MROH1: variants seen among roughly 807,000 people sequenced by gnomAD.
MROH1 encodes maestro heat like repeat family member 1.
A neutral mutation model predicts 116.5 loss-of-function variants in MROH1; 117 were observed. The ratio of observed to expected loss-of-function variants is 1.00; its 90% confidence interval spans 0.86 to 1.17. The LOEUF (loss-of-function observed/expected upper bound fraction) is 1.17. Ranked by LOEUF, MROH1 falls within the 50% of genes most tolerant of loss-of-function variation. The pLI is 0.00. For missense variants in MROH1, 1,873 were observed against 1,338.5 expected (o/e 1.40, Z -6.23); for synonymous variants, 921 against 583.9 (o/e 1.58, Z -8.32).
chr8:144,199,339 C>T, intron 11 of MROH1, 139 bp downstream of exon 11: 4 of 842,692 alleles, frequency 4.7e-6, no homozygotes, highest in Middle Eastern at 2.6e-4. Flanking sequence ...CCTGGGCCTA[C>T]CTGTGGCTCC....
chr8:144,177,820 T>C (rs1824407936), intron 4 of MROH1, among the ~76,000 whole-genome samples: 2 of 152,178 alleles, frequency 1.3e-5, no homozygotes, highest in Admixed American at 1.3e-4. Context: ...GCTCAGGCTA[T>C]GTGAGATGTG....
chr8:144,255,786 C>T (rs926929942), intron 35 of MROH1, 81 bp downstream of exon 35: 40 of 681,428 alleles, frequency 5.9e-5, no homozygotes, highest in African/African-American at 1.2e-4. Flanking sequence ...TGGGGGCGGA[C>T]GGCAGATCTG....
At chr8:144,260,106 G>A (rs1427239474) in intron 38 of MROH1, 49 bp downstream of exon 38, 7 of 743,014 alleles carry the variant, frequency 9.4e-6, no homozygotes, top group African/African-American at 1.7e-5. Context: ...TGGGTGGGGG[G>A]CTGTGCATGG....
rs1588469997 is a variant in MROH1 at position 144,247,584 on chromosome 8, C to T, written c.3025C>T (p.Arg1009Cys). ...CCTCTCAGGCTTCTCCCGGGACTAC[C>T]GCGATGACGTGGCGGAGCGGCTCCT... Reference protein sequence around the residue: ...LGYEGFSRDYRDDVAERLLSL... With the variant: ...LGYEGFSRDYCDDVAERLLSL... The change falls in exon 31 of 44, where the codon CGC (arginine) becomes TGC (cysteine). Residue 1009 changes from arginine (R) to cysteine (C), a missense_variant. Arg to Cys is a radical substitution (Grantham distance 180, BLOSUM62 -3). Coordinates refer to ENST00000326134, the MANE Select transcript of MROH1 (RefSeq NM_032450.3). 31 of 774,286 alleles carry T rather than the reference C, an allele frequency of 4.0e-5. No homozygotes were observed. The highest frequency in any genetic ancestry group is 1.1e-4 in the South Asian group (8 of 73,952). 48.0% of individuals were successfully genotyped at this position (774,286 alleles called of 1,614,324 possible). A position where few individuals can be genotyped will look rare whatever the true frequency, so the allele number is the denominator to read the frequency against.
At chr8:144,255,088 C>G in intron 34 of MROH1, 110 bp downstream of exon 34, 1 of 628,370 alleles carries the variant, frequency 1.6e-6, no homozygotes, top group South Asian at 1.8e-5. Context: ...CCACAGGCAC[C>G]TGGAGGCAGC....
At chr8:144,165,410 C>T (rs1252477405) in intron 3 of MROH1, among the ~76,000 whole-genome samples, 8 of 152,096 alleles carry the variant, frequency 5.3e-5, no homozygotes, top group African/African-American at 1.4e-4. Flanking sequence ...TGAGCCACCG[C>T]GCACAGCCCA....
rs185394696 is a variant in MROH1 at position 144,180,454 on chromosome 8, G to A, written c.493G>A (p.Val165Ile). The A allele has an allele frequency of 2.0e-4, 319 of 1,612,984 alleles. No individual in the cohort carries two copies. Among genetic ancestry groups the A allele is most frequent in the Middle Eastern group, 3.3e-4 (2 of 6,062 alleles). ...CGGCGTAGTCCCCTTCCTGCCATCC[G>A]TCCTGAGCTCCCTGCTGCCCGTGCT... Reference protein sequence around the residue: ...AFGVVPFLPSVLSSLLPVLGV... With the variant: ...AFGVVPFLPSILSSLLPVLGV... Residue 165 changes from valine to isoleucine, a missense_variant, in exon 7 of 44, where the codon GTC (valine) becomes ATC (isoleucine). Val to Ile is a conservative substitution (Grantham distance 29). Transcript: ENST00000326134. The surrounding 1 kb of genome is among the most constrained non-coding windows in gnomAD (Gnocchi z 7.4).
At chr8:144,200,795 C>T (rs80150834) in intron 12 of MROH1, 1 of 476,266 alleles carries the variant, frequency 2.1e-6, no homozygotes, top group Non-Finnish European at 3.9e-6. Context: ...CGTGGCCACA[C>T]TCCCCAGGTG....
intron 13 of MROH1, among the ~76,000 whole-genome samples, chr8:144,222,128 G>A (rs1270332733): frequency 6.6e-6 from 1 of 152,190 alleles, no homozygotes; most frequent in Admixed American, 6.5e-5. Context: ...AGCTAGCTCA[G>A]AAAGACAGCA....
At chr8:144,208,168 T>C (rs1040994709) in intron 12 of MROH1, among the ~76,000 whole-genome samples, 7 of 152,160 alleles carry the variant, frequency 4.6e-5, no homozygotes, top group Non-Finnish European at 5.9e-5. Context: ...GGTCTCAAAC[T>C]CCTGACCTCA....
intron 14 of MROH1, among the ~76,000 whole-genome samples, chr8:144,235,093 A>G (rs1475509318): frequency 6.6e-6 from 1 of 151,908 alleles, no homozygotes; most frequent in Non-Finnish European, 1.5e-5. Context: ...ACAGGGTTTC[A>G]CCATGTTGGC....
intron 14 of MROH1, among the ~76,000 whole-genome samples, chr8:144,234,884 T>C (rs1382696240): frequency 1.7e-5 from 2 of 116,538 alleles, no homozygotes; most frequent in Non-Finnish European, 3.6e-5. Flanking sequence ...AATTATCCTT[T>C]TTCTTTCTTT....
At chr8:144,220,236 G>T (rs1360673669) in intron 12 of MROH1, among the ~76,000 whole-genome samples, 1 of 152,154 alleles carries the variant, frequency 6.6e-6, no homozygotes, top group African/African-American at 2.4e-5. Context: ...GCGCCTGGAG[G>T]GGGAGCAGGA....
chr8:144,157,989 C>CTTTTTTTTTTTTTTTTTTTTTT, intron 1 of MROH1, among the ~76,000 whole-genome samples: 1 of 88,872 alleles, frequency 1.1e-5, no homozygotes, highest in Non-Finnish European at 2.3e-5. Context: ...CTATTTCTTT[C>CTTTTTTTTTTTTTTTTTTTTTT]TTTTTTTTTT....
At chr8:144,218,929 G>A (rs1336629170) in intron 12 of MROH1, among the ~76,000 whole-genome samples, 1 of 126,996 alleles carries the variant, frequency 7.9e-6, no homozygotes, top group Non-Finnish European at 1.6e-5. Flanking sequence ...CCGCCTCCTG[G>A]GCTCAAGCGA....
chr8:144,152,555 A>ATTATTTTTTT (rs1369841266), intron 1 of MROH1, among the ~76,000 whole-genome samples: 1,998 of 130,544 alleles, frequency 0.015, 64 homozygotes, highest in African/African-American at 0.05. Flanking sequence ...TATTATTATT[A>ATTATTTTTTT]TTTTTTTTTT....
At chr8:144,181,836 C>A (rs1286695019) in intron 7 of MROH1, among the ~76,000 whole-genome samples, 2 of 152,136 alleles carry the variant, frequency 1.3e-5, no homozygotes, top group Non-Finnish European at 2.9e-5. Context: ...CACATCGCCC[C>A]TTCCCGCCAC....
At chr8:144,162,736 T>C (rs1241869303) in intron 2 of MROH1, among the ~76,000 whole-genome samples, 4 of 151,268 alleles carry the variant, frequency 2.6e-5, no homozygotes, top group African/African-American at 7.3e-5. Context: ...TTTTTTTTTT[T>C]CTCTGAGACA....
rs934630310 is a variant in MROH1 at position 144,260,693 on chromosome 8, G to A, written c.4397G>A (p.Arg1466Gln). ...PFFDSEKMEF[R>Q]TASIRLFGHL... The stretch of plus-strand genomic sequence containing the variant: ...CCTTCCCAGGAGAAGATGGAGTTCC[G>A]GACGGCATCTATCCGCCTCTTTGGG... The change falls in exon 40 of 44, where the codon CGG (arginine) becomes CAG (glutamine). Residue 1466 changes from arginine to glutamine, a missense_variant. Physicochemically the swap from Arg to Gln is conservative, Grantham distance 43. Transcript: ENST00000326134. The A allele has an allele frequency of 2.1e-5, 16 of 779,292 alleles. No homozygotes were observed. The highest frequency in any genetic ancestry group is 6.8e-5 in the Admixed American group (4 of 59,022). 48.3% of individuals were successfully genotyped at this position (779,292 alleles called of 1,614,324 possible).
Sources: allele counts gnomAD v4.1 joint callset (sites outside exome capture counted in the v4.1 genomes callset), GRCh38; gene constraint gnomAD v4.1.1; non-coding constraint Gnocchi (gnomAD v3.1); transcripts MANE v1.5; gene names NCBI Gene and HGNC (gene_info 2026-07-23, HGNC 2026-07-21).